The following DPP10 variants were observed in gnomAD, a reference collection of about 807,000 sequenced individuals.
The protein encoded by DPP10 is inactive dipeptidyl peptidase 10.
In DPP10, 33 loss-of-function variants were observed where a neutral mutation model predicts 120.9. The observed-to-expected ratio is 0.27, with a 90% CI of 0.21 to 0.37. The LOEUF is 0.37. Ranked by LOEUF, DPP10 falls within the 10% of genes least tolerant of loss-of-function variation. DPP10 has a pLI of 1.00. For missense variants in DPP10, 816 were observed against 942.8 expected (o/e 0.87, Z 1.76); for synonymous variants, 337 against 326.1 (o/e 1.03, Z -0.36).
intron 5 of DPP10, among the ~76,000 whole-genome samples, chr2:115,617,098 AT>A (rs1159353194): frequency 2.7e-5 from 4 of 149,448 alleles, no homozygotes; most frequent in Admixed American, 6.7e-5. Flanking sequence ...ATATTTTAGA[AT>A]TTTTTTCAGG....
At chr2:115,727,432 A>G (rs138504952) in intron 7 of DPP10, among the ~76,000 whole-genome samples, 2 of 152,276 alleles carry the variant, frequency 1.3e-5, no homozygotes, top group East Asian at 3.9e-4. Flanking sequence ...AAGCTCTTCA[A>G]ACAGTCAGTT....
intron 2 of DPP10, among the ~76,000 whole-genome samples, chr2:115,332,245 G>A (rs2062793890): frequency 6.6e-6 from 1 of 152,132 alleles, no homozygotes; most frequent in Non-Finnish European, 1.5e-5. Context: ...ATGGTAGTTT[G>A]TATTTCTGTG....
intron 11 of DPP10, among the ~76,000 whole-genome samples, chr2:115,755,982 A>G (rs776353157): frequency 1.3e-5 from 2 of 151,994 alleles, no homozygotes; most frequent in African/African-American, 4.8e-5. Flanking sequence ...TACATATACA[A>G]TGGAATACTA....
chr2:115,514,778 TTAGA>T (rs1407588533), intron 4 of DPP10, among the ~76,000 whole-genome samples: 8 of 151,810 alleles, frequency 5.3e-5, no homozygotes, highest in Non-Finnish European at 1.0e-4. Context: ...GAAATTTCTG[TTAGA>T]TAGAACTGTT....
intron 1 of DPP10, among the ~76,000 whole-genome samples, chr2:115,027,535 A>G (rs1026572249): frequency 6.6e-6 from 1 of 152,108 alleles, no homozygotes; most frequent in Non-Finnish European, 1.5e-5. Flanking sequence ...TCAGTTTGCT[A>G]TTATTTCATT....
At chr2:114,619,747 A>G (rs537858251) in intron 1 of DPP10, among the ~76,000 whole-genome samples, 3 of 152,000 alleles carry the variant, frequency 2.0e-5, no homozygotes, top group South Asian at 2.1e-4. Flanking sequence ...CTTAAACTCT[A>G]TATGAATACA....
At chr2:115,092,395 A>T (rs1320833548) in intron 1 of DPP10, among the ~76,000 whole-genome samples, 2 of 152,060 alleles carry the variant, frequency 1.3e-5, no homozygotes, top group Admixed American at 6.6e-5. Flanking sequence ...CCTTCCCCTA[A>T]TTATCCAGCA....
intron 1 of DPP10, among the ~76,000 whole-genome samples, chr2:115,139,724 T>TAAAAAAAAAAAAAAAAAAAAAAA (rs55826687): frequency 1.8e-5 from 1 of 56,618 alleles, no homozygotes; most frequent in African/African-American, 7.2e-5. Flanking sequence ...GTAAAAATAC[T>TAAAAAAAAAAAAAAAAAAAAAAA]AAAAAAAAAA....
chr2:114,851,775 C>A (rs991211503), intron 1 of DPP10, among the ~76,000 whole-genome samples: 3 of 152,172 alleles, frequency 2.0e-5, no homozygotes, highest in Non-Finnish European at 4.4e-5. Context: ...AAAAGCACAT[C>A]CTCATCTCCA....
At chr2:114,478,905 G>A (rs1680763799) in intron 1 of DPP10, among the ~76,000 whole-genome samples, 2 of 150,886 alleles carry the variant, frequency 1.3e-5, no homozygotes, top group South Asian at 4.2e-4. Flanking sequence ...ACAAAATGCT[G>A]ATGAAAGAAA....
intron 3 of DPP10, among the ~76,000 whole-genome samples, chr2:115,386,538 A>T (rs2066945582): frequency 6.6e-6 from 1 of 152,168 alleles, no homozygotes; most frequent in South Asian, 2.1e-4. Context: ...ATGTTGTGGG[A>T]AGGCAAATAT....
chr2:115,502,667 G>T (rs1470225874), intron 4 of DPP10, among the ~76,000 whole-genome samples: 1 of 152,104 alleles, frequency 6.6e-6, no homozygotes, highest in Non-Finnish European at 1.5e-5. Context: ...ATGTGCTTAA[G>T]TATAGTTAAG....
intron 1 of DPP10, among the ~76,000 whole-genome samples, chr2:114,553,300 C>T (rs981754362): frequency 1.3e-5 from 2 of 152,194 alleles, no homozygotes; most frequent in African/African-American, 4.8e-5. Flanking sequence ...CTGCTGCTGT[C>T]ACTGATAATT....
rs552890402 is a variant in DPP10 at position 114,656,299 on chromosome 2, G to A, written c.60+213461G>A. On this transcript the variant is annotated intron_variant, in intron 1 of 25. Transcript: ENST00000410059. ...AGTTATTAGAATTTAGACAGTCAACGAGCTTGTTGAAATTTTTTTTGGAAC... is the reference window on the plus strand; with the variant it reads ...AGTTATTAGAATTTAGACAGTCAACAAGCTTGTTGAAATTTTTTTTGGAAC... Among the ~76,000 whole-genome samples, 19 of 152,112 alleles carry A rather than the reference G, an allele frequency of 1.2e-4. No individual in the cohort carries two copies. The South Asian group carries it at 3.5e-3, about 28-fold the overall frequency.
intron 21 of DPP10, among the ~76,000 whole-genome samples, chr2:115,820,351 TC>T: frequency 6.6e-6 from 1 of 152,304 alleles, no homozygotes; most frequent in South Asian, 2.1e-4. Context: ...TTTTACTTGA[TC>T]CTGATTAGCC....
chr2:114,751,512 G>A (rs1679218467), intron 1 of DPP10, among the ~76,000 whole-genome samples: 1 of 152,146 alleles, frequency 6.6e-6, no homozygotes, highest in South Asian at 2.1e-4. Context: ...AAAGAAGTTT[G>A]GCCAGAAATT....
At chr2:115,786,675 A>G (rs1683383675) in intron 17 of DPP10, among the ~76,000 whole-genome samples, 1 of 152,218 alleles carries the variant, frequency 6.6e-6, no homozygotes, top group South Asian at 2.1e-4. Context: ...TCTGAACTCC[A>G]ATGCAATAAG....
At chr2:115,426,939 T>G (rs2070528287) in intron 3 of DPP10, among the ~76,000 whole-genome samples, 1 of 152,218 alleles carries the variant, frequency 6.6e-6, no homozygotes, top group African/African-American at 2.4e-5. Flanking sequence ...ACTTATTTAC[T>G]TACAAGATAC....
chr2:115,673,485 C>A lies in DPP10; in HGVS notation c.442-16202C>A, dbSNP rs183354251. 4.3e-3 allele frequency among the ~76,000 whole-genome samples: 648 copies of A among 152,184 alleles called. 6 individuals are homozygous for A. Among genetic ancestry groups the A allele is most frequent in the African/African-American group, 0.015 (624 of 41,522 alleles). ...GGGAGTCAAGACATGCCTAAGAGTACCCAGATAATTGACCTAGATAATCCT... is the reference window on the plus strand; with the variant it reads ...GGGAGTCAAGACATGCCTAAGAGTAACCAGATAATTGACCTAGATAATCCT... On this transcript the variant is annotated intron_variant, in intron 5 of 25. Transcript: ENST00000410059.
Sources: allele counts gnomAD v4.1 joint callset (sites outside exome capture counted in the v4.1 genomes callset), GRCh38; gene constraint gnomAD v4.1.1; transcripts MANE v1.5; gene names NCBI Gene and HGNC (gene_info 2026-07-23, HGNC 2026-07-21).